SMAP1: variants seen among roughly 807,000 people sequenced by gnomAD.
SMAP1 encodes the protein small ArfGAP 1.
In SMAP1, 24 loss-of-function variants were observed where a neutral mutation model predicts 58.5. The observed-to-expected ratio is 0.41, with a 90% CI of 0.30 to 0.58. The LOEUF (loss-of-function observed/expected upper bound fraction) is 0.58. Among genes scored for constraint, SMAP1 ranks in the 20% least tolerant of loss-of-function variants. The probability of loss-of-function intolerance (pLI) is 0.29; values close to 1 mark genes in which losing one functional copy is unlikely to be tolerated. For missense variants in SMAP1, 563 were observed against 566.3 expected (o/e 0.99, Z 0.06); for synonymous variants, 216 against 196.6 (o/e 1.10, Z -0.82).
intron 7 of SMAP1, among the ~76,000 whole-genome samples, chr6:70,837,277 A>G (rs1375645949): frequency 2.0e-5 from 3 of 152,198 alleles, no homozygotes; most frequent in African/African-American, 7.2e-5. Context: ...TATCAAAGTA[A>G]TCTTCAAAGG....
At chr6:70,816,006 T>C (rs1010217330) in intron 6 of SMAP1, among the ~76,000 whole-genome samples, 4 of 152,096 alleles carry the variant, frequency 2.6e-5, no homozygotes, top group Non-Finnish European at 5.9e-5. Flanking sequence ...AAGGGGATGA[T>C]ATGATAAATA....
chr6:70,698,145 C>T (rs916658540), intron 1 of SMAP1, among the ~76,000 whole-genome samples: 1 of 152,090 alleles, frequency 6.6e-6, no homozygotes, highest in African/African-American at 2.4e-5. Flanking sequence ...TTTATTTCTC[C>T]TTCACTTGAA....
Position 70,768,737 on chromosome 6 carries a change from T to C in SMAP1, c.339-4613T>C, listed in dbSNP as rs574639912. ...CATTGATTTTTTGAAGGGTTTTTTG[T>C]GTCTCTATTTCCTTCAGTTCTGCTC... is the stretch of plus-strand genomic sequence containing the variant. On this transcript the variant is annotated intron_variant, in intron 3 of 10. Coordinates refer to ENST00000370455, the MANE Select transcript of SMAP1 (RefSeq NM_001044305.3). Among the ~76,000 whole-genome samples the C allele has an allele frequency of 9.8e-5, 15 of 152,330 alleles. No individual in the cohort carries two copies. The East Asian group carries it at 1.2e-3, about 12-fold the overall frequency.
At chr6:70,700,586 T>C (rs2149827717) in intron 1 of SMAP1, among the ~76,000 whole-genome samples, 1 of 152,286 alleles carries the variant, frequency 6.6e-6, no homozygotes, top group Non-Finnish European at 1.5e-5. Flanking sequence ...GTGTGAGCCA[T>C]GGCACCCAGC....
At chr6:70,771,029 G>A (rs1360790598) in intron 3 of SMAP1, among the ~76,000 whole-genome samples, 2 of 152,198 alleles carry the variant, frequency 1.3e-5, no homozygotes, top group African/African-American at 4.8e-5. Flanking sequence ...GACCCTGTTT[G>A]CCTGGGTACC....
chr6:70,857,212 A>T (rs1771464376), intron 9 of SMAP1, 182 bp downstream of exon 9: 1 of 487,210 alleles, frequency 2.1e-6, no homozygotes, highest in Admixed American at 3.8e-5. Context: ...AGAGGCATGT[A>T]CAGGATTCAC....
At chr6:70,813,355 G>A (rs1769473132) in intron 6 of SMAP1, among the ~76,000 whole-genome samples, 1 of 151,936 alleles carries the variant, frequency 6.6e-6, no homozygotes, top group Non-Finnish European at 1.5e-5. Context: ...CCTTACAAGT[G>A]AGAACAGCAA....
In SMAP1 at chr6:70,858,157, G is replaced by A; in HGVS notation, c.1197G>A (p.Val399=). The change falls in exon 10 of 11, where the codon GTG becomes GTA. Residue 399 remains valine (V), a synonymous_variant. Coordinates refer to ENST00000370455, the MANE Select transcript of SMAP1 (RefSeq NM_001044305.3). The part of the protein sequence containing the change: ...QNVVGPQGGM[V]GQMGAPQSKF... ...TTGTTGGCCCCCAAGGAGGAATGGT[G>A]GGACAAATGGGTGCACCCCAGAGTA... 1 of 1,613,986 alleles carries A rather than the reference G, an allele frequency of 6.2e-7. No homozygotes were observed. The highest frequency in any genetic ancestry group is 8.5e-7 in the Non-Finnish European group (1 of 1,179,972).
intron 4 of SMAP1, among the ~76,000 whole-genome samples, chr6:70,789,729 A>T (rs1012383313): frequency 6.7e-6 from 1 of 149,090 alleles, no homozygotes; most frequent in Non-Finnish European, 1.5e-5. Flanking sequence ...TGTCTCAAAA[A>T]AAAAAAAAAA....
intron 1 of SMAP1, among the ~76,000 whole-genome samples, chr6:70,692,517 G>T (rs1084385): frequency 0.82 from 124,505 of 152,224 alleles, 51,607 homozygotes; most frequent in East Asian, 1. Flanking sequence ...TGGGCAGAGT[G>T]TCCCCAATGT....
At chr6:70,680,040 T>C (rs1312751161) in intron 1 of SMAP1, among the ~76,000 whole-genome samples, 1 of 152,164 alleles carries the variant, frequency 6.6e-6, no homozygotes, top group Non-Finnish European at 1.5e-5. Flanking sequence ...TAGACTCACA[T>C]ATTATGGTCA....
rs1491434129 is a variant in SMAP1, at chr6:70,729,459, T to TTAAGAAGGTTGTG, written c.119-2918_119-2917insAAGAAGGTTGTGT. On this transcript the variant is annotated intron_variant, in intron 1 of 10. Transcript: ENST00000370455. The stretch of plus-strand genomic sequence containing the variant: ...GTCTCAAAAAAAAAAAAAAAGAAGG[T>TTAAGAAGGTTGTG]TGTGTGTGTGTGTGTGTGTGTGTGT... 1.2e-3 allele frequency among the ~76,000 whole-genome samples: 154 copies of TTAAGAAGGTTGTG among 128,164 alleles called. 2 individuals are homozygous for TTAAGAAGGTTGTG. The East Asian group carries it at 0.023, about 19-fold the overall frequency. The allele number at this position is 128,164 out of a possible 152,430, so 84.1% of individuals were successfully genotyped here.
intron 4 of SMAP1, among the ~76,000 whole-genome samples, chr6:70,786,828 A>T (rs1000880013): frequency 1.2e-4 from 18 of 152,254 alleles, no homozygotes; most frequent in African/African-American, 4.3e-4. Flanking sequence ...AGAACATTCC[A>T]TGCTCATGGA....
intron 1 of SMAP1, among the ~76,000 whole-genome samples, chr6:70,707,707 G>A (rs757457065): frequency 5.9e-5 from 9 of 152,176 alleles, no homozygotes; most frequent in Non-Finnish European, 1.2e-4. Flanking sequence ...CTGTGTTCAA[G>A]TGATTCTCCT....
In SMAP1 at chr6:70,684,299, C is replaced by T. The variant is rs191498181; in HGVS notation, c.118+16158C>T. Among the ~76,000 whole-genome samples the T allele has an allele frequency of 1.3e-4, 20 of 152,178 alleles. No homozygotes were observed. The East Asian group carries it at 3.9e-3, about 29-fold the overall frequency. ...ATTTTTGTGTTTGAGAGAGATTGTA[C>T]AGATAGATGGAAAGCACTAGAGCAT... On this transcript the variant is annotated intron_variant, in intron 1 of 10. Transcript: ENST00000370455.
At position 70,788,671 on chromosome 6, in the gene SMAP1, C is replaced by T. The variant is rs114257399; in HGVS notation, c.415-3018C>T. On this transcript the variant is annotated intron_variant, in intron 4 of 10. Coordinates refer to ENST00000370455, the MANE Select transcript of SMAP1 (RefSeq NM_001044305.3). ...GAAAGGCCCCTAGAGTTCAGAGAAG[C>T]AGACTAGAGAAAAACCAGAAGGAGT... is the stretch of plus-strand genomic sequence containing the variant. Among the ~76,000 whole-genome samples the T allele has an allele frequency of 1.5e-3, 226 of 152,118 alleles. 4 individuals are homozygous for T. Among genetic ancestry groups the T allele is most frequent in the African/African-American group, 5.3e-3 (222 of 41,504 alleles).
intron 2 of SMAP1, among the ~76,000 whole-genome samples, chr6:70,751,235 G>A (rs987422580): frequency 5.3e-5 from 8 of 152,088 alleles, no homozygotes; most frequent in African/African-American, 1.9e-4. Context: ...GTGAGACTCC[G>A]TCTTACAAAA....
rs550364515 is a variant in SMAP1 at position 70,706,979 on chromosome 6, A to G, written c.119-25399A>G. On this transcript the variant is annotated intron_variant, in intron 1 of 10. Coordinates refer to ENST00000370455, the MANE Select transcript of SMAP1 (RefSeq NM_001044305.3). Reference sequence around the variant, plus strand: ...TAGAATAAAATTTAGGATTAGGAATATAGCTGTTTTGTATTTTGCCACATA... The same window carrying G: ...TAGAATAAAATTTAGGATTAGGAATGTAGCTGTTTTGTATTTTGCCACATA... Among the ~76,000 whole-genome samples, 11 of 152,292 alleles carry G rather than the reference A, an allele frequency of 7.2e-5. No individual in the cohort carries two copies. The East Asian group carries it at 1.9e-3, about 27-fold the overall frequency.
At chr6:70,855,633 T>A (rs1055564895) in intron 8 of SMAP1, among the ~76,000 whole-genome samples, 1 of 152,202 alleles carries the variant, frequency 6.6e-6, no homozygotes, top group Non-Finnish European at 1.5e-5. Context: ...CAGAACACTT[T>A]TGTGATCATT....
Sources: allele counts gnomAD v4.1 joint callset (sites outside exome capture counted in the v4.1 genomes callset), GRCh38; gene constraint gnomAD v4.1.1; transcripts MANE v1.5; gene names NCBI Gene and HGNC (gene_info 2026-07-23, HGNC 2026-07-21).